Variants in SUGCT observed in about 807,000 individuals in gnomAD.
SUGCT encodes succinyl-CoA:glutarate-CoA transferase.
A neutral mutation model predicts 55.0 loss-of-function variants in SUGCT; 41 were observed. The ratio of observed to expected loss-of-function variants is 0.74; its 90% confidence interval spans 0.58 to 0.97. The LOEUF is 0.97. Ranked by LOEUF, SUGCT falls within the 50% of genes least tolerant of loss-of-function variation. The pLI, the probability that SUGCT is intolerant of heterozygous loss-of-function variation, is 0.00. For missense variants in SUGCT, 568 were observed against 547.8 expected (o/e 1.04, Z -0.37); for synonymous variants, 187 against 200.4 (o/e 0.93, Z 0.56).
At chr7:40,257,623 C>A (rs1249463090) in intron 7 of SUGCT, among the ~76,000 whole-genome samples, 1 of 152,160 alleles carries the variant, frequency 6.6e-6, no homozygotes, top group Non-Finnish European at 1.5e-5. Flanking sequence ...TGCCTGTAAT[C>A]CCAGCACTTT....
At chr7:40,741,907 A>T (rs551172630) in intron 12 of SUGCT, among the ~76,000 whole-genome samples, 1 of 152,324 alleles carries the variant, frequency 6.6e-6, no homozygotes, top group South Asian at 2.1e-4. Flanking sequence ...ATACACACTG[A>T]TACAAGTAGA....
intron 12 of SUGCT, among the ~76,000 whole-genome samples, chr7:40,679,370 A>G (rs1436045001): frequency 6.6e-6 from 1 of 152,058 alleles, no homozygotes; most frequent in African/African-American, 2.4e-5. Flanking sequence ...CCTGATAAGA[A>G]CAGATGACCA....
intron 7 of SUGCT, among the ~76,000 whole-genome samples, chr7:40,249,313 C>CTATCTATATCTATATATCTATATATCTA (rs1324264789): frequency 1.3e-5 from 1 of 79,516 alleles, no homozygotes; most frequent in Non-Finnish European, 2.3e-5. Context: ...CACCAAAAAG[C>CTATCTATATCTATATATCTATATATCTA]TATATATATA....
intron 12 of SUGCT, among the ~76,000 whole-genome samples, chr7:40,532,907 A>G (rs1479827793): frequency 6.6e-6 from 1 of 152,220 alleles, no homozygotes; most frequent in Non-Finnish European, 1.5e-5. Context: ...CTCTCAGCTC[A>G]CATGAGTAAA....
the SUGCT span, among the ~76,000 whole-genome samples, chr7:40,956,329 T>G: frequency 1.3e-5 from 2 of 152,282 alleles, no homozygotes; most frequent in South Asian, 4.1e-4. Flanking sequence ...TATTCAGGGA[T>G]TTGACTTCTT....
chr7:40,458,508 A>G (rs1038752177), intron 10 of SUGCT, among the ~76,000 whole-genome samples: 1 of 152,252 alleles, frequency 6.6e-6, no homozygotes, highest in African/African-American at 2.4e-5. Flanking sequence ...TAGGAAGAAG[A>G]TCTTTTAATT....
At chr7:40,406,031 T>G (rs1009889268) in intron 9 of SUGCT, among the ~76,000 whole-genome samples, 1 of 152,088 alleles carries the variant, frequency 6.6e-6, no homozygotes, top group Non-Finnish European at 1.5e-5. Context: ...TATCATTCCT[T>G]AAATCAGCCT....
chr7:40,719,034 T>C (rs758335395), intron 12 of SUGCT, among the ~76,000 whole-genome samples: 4 of 152,238 alleles, frequency 2.6e-5, no homozygotes, highest in Non-Finnish European at 5.9e-5. Flanking sequence ...ATTCTATGTC[T>C]AAACTTTTTC....
intron 12 of SUGCT, among the ~76,000 whole-genome samples, chr7:40,721,513 T>G (rs910301607): frequency 2.0e-5 from 3 of 152,240 alleles, no homozygotes. Flanking sequence ...GACTGCAATT[T>G]AATAAATGAT....
At chr7:40,956,054 A>G in the SUGCT span, among the ~76,000 whole-genome samples, 1 of 152,182 alleles carries the variant, frequency 6.6e-6, no homozygotes, top group Non-Finnish European at 1.5e-5. Flanking sequence ...GAATTTTTGC[A>G]TCGATGTTCA....
At chr7:40,899,605 G>C in the SUGCT span, among the ~76,000 whole-genome samples, 4 of 151,824 alleles carry the variant, frequency 2.6e-5, no homozygotes, top group South Asian at 2.1e-4. Context: ...GGTAACTCCC[G>C]TCTCTTGAGC....
rs765460228 is a variant in SUGCT at position 40,684,181 on chromosome 7, A to G, written c.1090-65253A>G. ...TACATCTCACTTCCTGCAGCCAGGA[A>G]AGGATAATCCAGGATAATTTCTCCA... is the stretch of plus-strand genomic sequence containing the variant. On this transcript the variant is annotated intron_variant, in intron 12 of 13. Coordinates refer to ENST00000335693, the MANE Select transcript of SUGCT (RefSeq NM_001193313.2). 3.2e-6 allele frequency: 5 copies of G among 1,546,022 alleles called. No homozygotes were observed. In the African/African-American group the frequency reaches 4.1e-5, roughly 13 times the overall value.
At chr7:41,021,050 G>A in the SUGCT span, among the ~76,000 whole-genome samples, 2,148 of 152,322 alleles carry the variant, frequency 0.014, 53 homozygotes, top group African/African-American at 0.048. Context: ...TACCCACTCC[G>A]TGAAGAGACC....
intron 13 of SUGCT, among the ~76,000 whole-genome samples, chr7:40,809,640 T>C (rs2128756304): frequency 6.6e-6 from 1 of 152,214 alleles, no homozygotes; most frequent in Non-Finnish European, 1.5e-5. Flanking sequence ...TTTCAACTTG[T>C]ATTTTAGATT....
chr7:40,498,470 C>T (rs1156669062), intron 12 of SUGCT, among the ~76,000 whole-genome samples: 3 of 152,126 alleles, frequency 2.0e-5, no homozygotes, highest in Non-Finnish European at 4.4e-5. Context: ...CCCCCCTCCC[C>T]TTTTTAAAAT....
chr7:41,033,877 A>C, the SUGCT span, among the ~76,000 whole-genome samples: 46 of 152,150 alleles, frequency 3.0e-4, no homozygotes, highest in African/African-American at 1.1e-3. Context: ...TCTTGAAGAA[A>C]ATGAAACTGG....
chr7:40,676,271 A>G (rs1783973044), intron 12 of SUGCT, among the ~76,000 whole-genome samples: 2 of 152,196 alleles, frequency 1.3e-5, no homozygotes, highest in African/African-American at 4.8e-5. Context: ...GAAACAGTAT[A>G]GAATTGAAAT....
intron 13 of SUGCT, chr7:40,783,591 G>C (rs1789864736): frequency 6.6e-6 from 1 of 152,120 alleles, no homozygotes; most frequent in African/African-American, 2.4e-5. Context: ...AGAAAAGGTA[G>C]GCAAAGCCCA....
At chr7:40,754,944 C>A (rs1377616221) in intron 13 of SUGCT, among the ~76,000 whole-genome samples, 1 of 152,012 alleles carries the variant, frequency 6.6e-6, no homozygotes. Flanking sequence ...ATCAACAATG[C>A]CAATGATTCT....
Sources: allele counts gnomAD v4.1 joint callset (sites outside exome capture counted in the v4.1 genomes callset), GRCh38; gene constraint gnomAD v4.1.1; transcripts MANE v1.5; gene names NCBI Gene and HGNC (gene_info 2026-07-23, HGNC 2026-07-21).